LMX1A: variants seen among roughly 807,000 people sequenced by gnomAD.
The protein encoded by LMX1A is LIM homeobox transcription factor 1 alpha.
LMX1A carries 15 observed loss-of-function variants against 49.1 expected under a neutral mutation model. The observed-to-expected ratio is 0.31, with a 90% CI of 0.20 to 0.47. The LOEUF (loss-of-function observed/expected upper bound fraction) is 0.47. Ranked by LOEUF, LMX1A falls within the 20% of genes least tolerant of loss-of-function variation. LMX1A has a pLI of 1.00. For missense variants in LMX1A, 372 were observed against 475.8 expected (o/e 0.78, Z 2.03); for synonymous variants, 167 against 185.7 (o/e 0.90, Z 0.82).
At chr1:165,225,555 A>G (rs1652005068) in intron 4 of LMX1A, among the ~76,000 whole-genome samples, 2 of 152,216 alleles carry the variant, frequency 1.3e-5, no homozygotes, top group South Asian at 4.1e-4. Context: ...TAAAAGACAG[A>G]GTTTATTGTT....
intron 3 of LMX1A, among the ~76,000 whole-genome samples, chr1:165,254,845 A>G (rs1033242646): frequency 6.6e-6 from 1 of 152,174 alleles, no homozygotes; most frequent in Non-Finnish European, 1.5e-5. Context: ...CAGCTCATCA[A>G]GGCATACATA....
intron 4 of LMX1A, among the ~76,000 whole-genome samples, chr1:165,234,321 C>T (rs1192438404): frequency 6.6e-6 from 1 of 152,166 alleles, no homozygotes; most frequent in Non-Finnish European, 1.5e-5. Flanking sequence ...GTCCTAGTTA[C>T]AGTTTCATAC....
chr1:165,295,593 C>T (rs1337094090), intron 3 of LMX1A, among the ~76,000 whole-genome samples: 1 of 151,920 alleles, frequency 6.6e-6, no homozygotes, highest in African/African-American at 2.4e-5. Context: ...TGTGTCAAAG[C>T]CACCTAACTG....
intron 3 of LMX1A, among the ~76,000 whole-genome samples, chr1:165,279,188 T>C (rs970165415): frequency 6.6e-6 from 1 of 152,220 alleles, no homozygotes; most frequent in Non-Finnish European, 1.5e-5. Context: ...ACCTGTCCAA[T>C]GAAGGCTGAA....
chr1:165,318,337 C>T (rs181644300), intron 3 of LMX1A, among the ~76,000 whole-genome samples: 10 of 152,340 alleles, frequency 6.6e-5, no homozygotes, highest in Middle Eastern at 3.4e-3. Flanking sequence ...CAAGCATCCT[C>T]CCAGGTAGCT....
At position 165,266,595 on chromosome 1, in the gene LMX1A, CTTTTTTTTTTTTT is replaced by C. The variant is rs61551654; in HGVS notation, c.264-16968_264-16956del. On this transcript the variant is annotated intron_variant, in intron 3 of 8. Transcript: ENST00000342310. ...CTAATTTTCTTTCTCTTCTTTCTTT[CTTTTTTTTTTTTT>C]TTTTTTTTTTTGAGACAGGGTCTCG... Among the ~76,000 whole-genome samples the C allele has an allele frequency of 6.8e-4, 54 of 79,188 alleles. No individual in the cohort carries two copies. The South Asian group carries it at 0.019, about 28-fold the overall frequency. The allele number at this position is 79,188 out of a possible 152,430, so 52.0% of individuals were successfully genotyped here. A position where few individuals can be genotyped will look rare whatever the true frequency, so the allele number is the denominator to read the frequency against.
chr1:165,332,462 C>T (rs949157397), intron 3 of LMX1A, among the ~76,000 whole-genome samples: 1 of 152,104 alleles, frequency 6.6e-6, no homozygotes, highest in African/African-American at 2.4e-5. Context: ...AACTATTACA[C>T]TATATATAAC....
intron 3 of LMX1A, among the ~76,000 whole-genome samples, chr1:165,344,012 A>T (rs1472044906): frequency 6.6e-6 from 1 of 152,258 alleles, no homozygotes; most frequent in African/African-American, 2.4e-5. Context: ...CTGCACTCAA[A>T]GTAATATGAA....
chr1:165,314,335 CA>C (rs998309437), intron 3 of LMX1A, among the ~76,000 whole-genome samples: 16 of 152,242 alleles, frequency 1.1e-4, no homozygotes, highest in African/African-American at 3.9e-4. Flanking sequence ...CCAGATGCTT[CA>C]AAAAGGGCTA....
intron 3 of LMX1A, among the ~76,000 whole-genome samples, chr1:165,290,405 C>T (rs544920423): frequency 2.0e-4 from 30 of 152,142 alleles, no homozygotes; most frequent in Non-Finnish European, 3.4e-4. Flanking sequence ...CTTATGGCCA[C>T]ATCACACCCA....
chr1:165,275,460 C>T (rs942375034), intron 3 of LMX1A, among the ~76,000 whole-genome samples: 1 of 152,208 alleles, frequency 6.6e-6, no homozygotes, highest in African/African-American at 2.4e-5. Context: ...ACGCTAAATC[C>T]GACTGGGGTG....
At chr1:165,322,235 A>G (rs545570466) in intron 3 of LMX1A, among the ~76,000 whole-genome samples, 2 of 152,264 alleles carry the variant, frequency 1.3e-5, no homozygotes, top group South Asian at 4.1e-4. Context: ...TGGGAAGAAA[A>G]ATGGTACATC....
At chr1:165,313,034 G>C (rs1351908331) in intron 3 of LMX1A, among the ~76,000 whole-genome samples, 1 of 152,190 alleles carries the variant, frequency 6.6e-6, no homozygotes, top group Non-Finnish European at 1.5e-5. Context: ...CCCTGAAGAA[G>C]TGGCATTCTT....
At chr1:165,302,582 C>T (rs936521354) in intron 3 of LMX1A, among the ~76,000 whole-genome samples, 1 of 152,198 alleles carries the variant, frequency 6.6e-6, no homozygotes, top group South Asian at 2.1e-4. Flanking sequence ...TTTGCAATGA[C>T]GATCCATGTC....
chr1:165,275,575 G>GC (rs1414487474), intron 3 of LMX1A, among the ~76,000 whole-genome samples: 2 of 152,090 alleles, frequency 1.3e-5, no homozygotes, highest in African/African-American at 2.4e-5. Flanking sequence ...ACACTCTGTT[G>GC]CCCCCCATCA....
chr1:165,335,440 T>C (rs1375558138), intron 3 of LMX1A, among the ~76,000 whole-genome samples: 2 of 152,136 alleles, frequency 1.3e-5, no homozygotes, highest in Non-Finnish European at 2.9e-5. Context: ...TTATAAAGGA[T>C]AATCAATAAC....
intron 3 of LMX1A, among the ~76,000 whole-genome samples, chr1:165,255,969 T>A (rs1439593008): frequency 4.7e-5 from 7 of 150,132 alleles, no homozygotes; most frequent in Non-Finnish European, 8.9e-5. Context: ...CGAAACTCCG[T>A]CTCAAAAAAA....
intron 3 of LMX1A, among the ~76,000 whole-genome samples, chr1:165,279,935 G>T (rs1654097235): frequency 6.6e-6 from 1 of 151,942 alleles, no homozygotes; most frequent in African/African-American, 2.4e-5. Flanking sequence ...ACCAGACTGG[G>T]ACTAAGCTTG....
chr1:165,263,278 T>C (rs1653504064), intron 3 of LMX1A, among the ~76,000 whole-genome samples: 1 of 152,232 alleles, frequency 6.6e-6, no homozygotes, highest in Admixed American at 6.5e-5. Context: ...CTTGGATTTC[T>C]AATCACAGTC....
Sources: gnomAD v4.1 joint callset for allele counts (sites outside exome capture counted in the v4.1 genomes callset) on GRCh38, gnomAD v4.1.1 for gene constraint, MANE v1.5 for transcripts, NCBI Gene and HGNC (gene_info 2026-07-23, HGNC 2026-07-21) for gene names.